The following VPS53 variants were observed in gnomAD, a reference collection of about 807,000 sequenced individuals.
VPS53 encodes the protein VPS53 subunit of GARP complex.
Under a neutral mutation model 107.0 loss-of-function variants are expected in VPS53, and 70 were observed. The observed-to-expected ratio is 0.65, with a 90% CI of 0.54 to 0.80. The LOEUF (loss-of-function observed/expected upper bound fraction) is 0.80. Ranked by LOEUF, VPS53 falls within the 30% of genes least tolerant of loss-of-function variation. VPS53 has a pLI of 0.00. For missense variants in VPS53, 917 were observed against 1,049.4 expected (o/e 0.87, Z 1.74); for synonymous variants, 409 against 393.3 (o/e 1.04, Z -0.47).
At chr17:572,832 A>G (rs538191110) in intron 13 of VPS53, among the ~76,000 whole-genome samples, 77 of 150,654 alleles carry the variant, frequency 5.1e-4, no homozygotes, top group African/African-American at 1.8e-3. Flanking sequence ...TGAAGGCAGC[A>G]TGCTCGTTAA....
chr17:643,600 G>A (rs1477156828), intron 7 of VPS53, among the ~76,000 whole-genome samples: 6 of 147,514 alleles, frequency 4.1e-5, no homozygotes, highest in African/African-American at 1.0e-4. Flanking sequence ...CTTGGCAACC[G>A]AGGACAACAC....
chr17:512,100 TA>T lies in VPS53; in HGVS notation c.*7027del, dbSNP rs1383251860. On this transcript the variant is annotated 3_prime_UTR_variant, in exon 22 of 22. Coordinates refer to ENST00000437048, the MANE Select transcript of VPS53 (RefSeq NM_001128159.3). ...TAAGCTTGATATTACAGTCATGACCTAAAAAGGCAAAGACCAGATATGCGGA... is the reference window on the plus strand; with the variant it reads ...TAAGCTTGATATTACAGTCATGACCTAAAAGGCAAAGACCAGATATGCGGA... 1 of 152,152 alleles carries T rather than the reference TA, an allele frequency of 6.6e-6. No homozygotes were observed. Among genetic ancestry groups the T allele is most frequent in the East Asian group, 1.9e-4 (1 of 5,194 alleles). The allele number at this position is 152,152 out of a possible 1,614,324, so 9.4% of individuals were successfully genotyped here.
intron 8 of VPS53, among the ~76,000 whole-genome samples, chr17:630,638 C>T (rs532458880): frequency 1.3e-5 from 2 of 152,222 alleles, no homozygotes; most frequent in South Asian, 4.1e-4. Context: ...AAGCTGGGGC[C>T]GCTACTCCCA....
chr17:576,472 A>G (rs1914622166), intron 13 of VPS53, among the ~76,000 whole-genome samples: 1 of 151,090 alleles, frequency 6.6e-6, no homozygotes, highest in Admixed American at 6.6e-5. Flanking sequence ...GCATTCCCAG[A>G]GAATCTCCCT....
intron 5 of VPS53, among the ~76,000 whole-genome samples, chr17:660,050 C>T (rs996428941): frequency 1.2e-4 from 18 of 152,172 alleles, no homozygotes; most frequent in African/African-American, 4.1e-4. Flanking sequence ...CACGAGACCA[C>T]CTGTGAGACA....
intron 7 of VPS53, among the ~76,000 whole-genome samples, chr17:648,421 G>A (rs1157832337): frequency 2.0e-5 from 3 of 152,062 alleles, no homozygotes; most frequent in Admixed American, 2.0e-4. Context: ...ATGGGTGGTG[G>A]GCGCCTGTAG....
At chr17:596,374 G>A (rs1222969368) in intron 12 of VPS53, among the ~76,000 whole-genome samples, 1 of 151,860 alleles carries the variant, frequency 6.6e-6, no homozygotes, top group Non-Finnish European at 1.5e-5. Flanking sequence ...GTCTGCCACA[G>A]GCCCTGCCCT....
intron 7 of VPS53, among the ~76,000 whole-genome samples, chr17:642,209 C>T (rs1970448488): frequency 6.6e-6 from 1 of 152,228 alleles, no homozygotes; most frequent in South Asian, 2.1e-4. Flanking sequence ...CAGTTCCAAA[C>T]AGACACCATA....
intron 20 of VPS53, among the ~76,000 whole-genome samples, chr17:521,188 A>T (rs2151793374): frequency 6.6e-6 from 1 of 152,348 alleles, no homozygotes; most frequent in East Asian, 1.9e-4. Flanking sequence ...AGATTCAGTT[A>T]CTACAACATC....
intron 2 of VPS53, 87 bp from the exon 3 acceptor site, chr17:699,467 C>A: frequency 9.6e-7 from 1 of 1,040,548 alleles, no homozygotes; most frequent in Non-Finnish European, 1.3e-6. Flanking sequence ...ATAATAGCTA[C>A]TTATGAAATC....
chr17:544,487 C>T (rs1168830606), intron 17 of VPS53, among the ~76,000 whole-genome samples: 1 of 152,174 alleles, frequency 6.6e-6, no homozygotes, highest in African/African-American at 2.4e-5. Flanking sequence ...TACTCACTCT[C>T]TCTGTATGGC....
intron 11 of VPS53, among the ~76,000 whole-genome samples, chr17:619,802 C>A (rs1480655271): frequency 7.4e-6 from 1 of 134,572 alleles, no homozygotes; most frequent in African/African-American, 2.9e-5. Context: ...TCCCGGGTAG[C>A]TGGGACTACA....
chr17:688,778 C>G (rs182030181), intron 4 of VPS53, among the ~76,000 whole-genome samples: 1 of 152,132 alleles, frequency 6.6e-6, no homozygotes, highest in Non-Finnish European at 1.5e-5. Context: ...ACTGTGAGCC[C>G]GAATCAAAAC....
intron 11 of VPS53, among the ~76,000 whole-genome samples, chr17:610,554 G>C (rs987834347): frequency 3.3e-5 from 5 of 152,076 alleles, no homozygotes; most frequent in African/African-American, 1.2e-4. Context: ...ACTATCAAGA[G>C]AGTGAAAACC....
chr17:628,318 C>A (rs8075534), intron 8 of VPS53, 87 bp from the exon 9 acceptor site: 2 of 1,503,236 alleles, frequency 1.3e-6, no homozygotes, highest in African/African-American at 1.4e-5. Context: ...GTTATCTCTA[C>A]GCATTGTCAG....
chr17:654,508 G>A (rs975522891), intron 6 of VPS53, among the ~76,000 whole-genome samples: 6 of 152,044 alleles, frequency 3.9e-5, no homozygotes, highest in African/African-American at 4.8e-5. Context: ...GGAGGCCGAG[G>A]CGGGCAGATC....
rs751623664 is a variant in VPS53 at position 519,085 on chromosome 17, C to T, written c.*43G>A. On this transcript the variant is annotated 3_prime_UTR_variant, in exon 22 of 22. Coordinates refer to ENST00000437048, the MANE Select transcript of VPS53 (RefSeq NM_001128159.3). The surrounding 1 kb of genome is among the most constrained non-coding windows in gnomAD (Gnocchi z 5.0). ...AGGTTGGGGGCTTCTGGGGAACGGG[C>T]GCTGAGGGTCTCCAGCCAGGAGCAA... The T allele has an allele frequency of 1.2e-4, 176 of 1,462,302 alleles. No homozygotes were observed. Among genetic ancestry groups the T allele is most frequent in the Middle Eastern group, 3.6e-4 (2 of 5,556 alleles). The allele number at this position is 1,462,302 out of a possible 1,614,324, so 90.6% of individuals were successfully genotyped here. A position where few individuals can be genotyped will look rare whatever the true frequency, so the allele number is the denominator to read the frequency against.
intron 17 of VPS53, chr17:538,935 G>A (rs1229174676): frequency 6.6e-6 from 1 of 152,094 alleles, no homozygotes; most frequent in African/African-American, 2.4e-5. Flanking sequence ...TTGAAGATTT[G>A]ACCCATCCAA....
intron 7 of VPS53, among the ~76,000 whole-genome samples, chr17:651,307 T>C (rs1970939699): frequency 1.3e-5 from 2 of 152,250 alleles, no homozygotes; most frequent in East Asian, 1.9e-4. Context: ...CCTGTATACA[T>C]ATTTGACCTT....
Sources: gnomAD v4.1 joint callset for allele counts (sites outside exome capture counted in the v4.1 genomes callset) on GRCh38, gnomAD v4.1.1 for gene constraint, Gnocchi (gnomAD v3.1) non-coding constraint, MANE v1.5 for transcripts, NCBI Gene and HGNC (gene_info 2026-07-23, HGNC 2026-07-21) for gene names.